ADGRL2: variants seen among roughly 807,000 people sequenced by gnomAD.
ADGRL2 encodes the protein calcium-independent alpha-latrotoxin receptor 2.
Under a neutral mutation model 157.4 loss-of-function variants are expected in ADGRL2, and 44 were observed. That is an observed-to-expected ratio of 0.28 (90% CI 0.22 to 0.36). The LOEUF (loss-of-function observed/expected upper bound fraction) is 0.36, where lower values mean the gene tolerates loss of function less well. Ranked by LOEUF, ADGRL2 falls within the 10% of genes least tolerant of loss-of-function variation. The pLI is 1.00. For synonymous variants in ADGRL2, 585 were observed against 624.7 expected (o/e 0.94, Z 0.95); for missense variants, 1,510 against 1,768.9 (o/e 0.85, Z 2.63).
intron 2 of ADGRL2, among the ~76,000 whole-genome samples, chr1:81,467,473 C>A (rs529219648): frequency 9.8e-5 from 15 of 152,292 alleles, no homozygotes; most frequent in African/African-American, 3.4e-4. Flanking sequence ...GATTTTACAG[C>A]GCTCCAGTCA....
chr1:81,709,785 TA>T (rs764778432), intron 1 of ADGRL2, among the ~76,000 whole-genome samples: 76 of 151,994 alleles, frequency 5.0e-4, no homozygotes, highest in Admixed American at 1.8e-3. Flanking sequence ...AAAACAATAT[TA>T]AAAAATGGTC....
chr1:81,536,301 G>T (rs982595569), intron 2 of ADGRL2, among the ~76,000 whole-genome samples: 18 of 151,780 alleles, frequency 1.2e-4, no homozygotes, highest in South Asian at 4.2e-4. Flanking sequence ...TATTTTACTG[G>T]TTTTTTTTAA....
At chr1:81,815,362 T>G (rs920345023) in intron 1 of ADGRL2, among the ~76,000 whole-genome samples, 1 of 151,844 alleles carries the variant, frequency 6.6e-6, no homozygotes, top group Non-Finnish European at 1.5e-5. Flanking sequence ...TGCTGTGTTA[T>G]CTCTTAGTAG....
intron 3 of ADGRL2, among the ~76,000 whole-genome samples, chr1:81,628,582 T>G (rs1043873907): frequency 6.6e-6 from 1 of 152,186 alleles, no homozygotes; most frequent in Non-Finnish European, 1.5e-5. Flanking sequence ...ATCAGGAAAC[T>G]GAAACCATGA....
intron 3 of ADGRL2, chr1:81,588,267 A>G (rs2081066257): frequency 6.6e-6 from 1 of 152,144 alleles, no homozygotes; most frequent in Non-Finnish European, 1.5e-5. Flanking sequence ...GGAAGGAGAG[A>G]GCTATGAGCT....
Position 81,353,920 on chromosome 1 carries a change from G to A in ADGRL2, c.-302+47411G>A, listed in dbSNP as rs190584376. 1.4e-3 allele frequency among the ~76,000 whole-genome samples: 217 copies of A among 152,272 alleles called. 1 individual carries two copies. The highest frequency in any genetic ancestry group is 3.4e-3 in the Middle Eastern group (1 of 294). ...GGTAAAATGTGTAGTATAAGAGAAAGGCTCAGGCATGAATCTTTGAGAAGC... is the reference window on the plus strand; with the variant it reads ...GGTAAAATGTGTAGTATAAGAGAAAAGCTCAGGCATGAATCTTTGAGAAGC... On this transcript the variant is annotated intron_variant, in intron 1 of 24. Transcript: ENST00000370721.
intron 3 of ADGRL2, among the ~76,000 whole-genome samples, chr1:81,925,346 T>A (rs2095079535): frequency 6.6e-6 from 1 of 152,036 alleles, no homozygotes; most frequent in Non-Finnish European, 1.5e-5. Flanking sequence ...CCTATGAGTT[T>A]GTTTATAAAT....
At chr1:81,706,228 A>C (rs1390881181) in intron 1 of ADGRL2, among the ~76,000 whole-genome samples, 2 of 128,120 alleles carry the variant, frequency 1.6e-5, no homozygotes, top group African/African-American at 6.2e-5. Flanking sequence ...AAAACAAAAA[A>C]ATAAAAAAAT....
intron 1 of ADGRL2, among the ~76,000 whole-genome samples, chr1:81,824,544 G>C (rs2091286426): frequency 6.6e-6 from 1 of 152,060 alleles, no homozygotes; most frequent in Admixed American, 6.5e-5. Context: ...CAAATTGCTG[G>C]GATTTACAGG....
chr1:81,913,338 T>A (rs1311527565), intron 3 of ADGRL2, among the ~76,000 whole-genome samples: 2 of 152,252 alleles, frequency 1.3e-5, no homozygotes, highest in Non-Finnish European at 2.9e-5. Context: ...CATTACTTTG[T>A]TCTGTGGTTC....
At chr1:81,846,987 GT>G (rs148126563) in intron 2 of ADGRL2, among the ~76,000 whole-genome samples, 26 of 143,796 alleles carry the variant, frequency 1.8e-4, no homozygotes, top group Non-Finnish European at 1.7e-4. Context: ...GTGTTTTGTT[GT>G]TTTTTTTTTT....
intron 2 of ADGRL2, among the ~76,000 whole-genome samples, chr1:81,460,697 C>T (rs768165323): frequency 6.6e-6 from 1 of 152,150 alleles, no homozygotes; most frequent in Non-Finnish European, 1.5e-5. Context: ...ACCCCTTTTA[C>T]TTTATTAACA....
At chr1:81,714,431 A>T (rs2084039390) in intron 1 of ADGRL2, among the ~76,000 whole-genome samples, 1 of 152,198 alleles carries the variant, frequency 6.6e-6, no homozygotes, top group South Asian at 2.1e-4. Flanking sequence ...TAAAATACTG[A>T]CTAATCATTT....
intron 1 of ADGRL2, among the ~76,000 whole-genome samples, chr1:81,376,914 C>T (rs1455574235): frequency 2.6e-5 from 4 of 152,188 alleles, no homozygotes; most frequent in Non-Finnish European, 4.4e-5. Flanking sequence ...AGGCTTGATG[C>T]AGTTGTTCAC....
intron 2 of ADGRL2, among the ~76,000 whole-genome samples, chr1:81,781,811 C>A (rs753307938): frequency 1.5e-4 from 23 of 152,202 alleles, no homozygotes; most frequent in Non-Finnish European, 2.9e-4. Context: ...CATTGAAAGA[C>A]ACAATTTTAA....
intron 1 of ADGRL2, among the ~76,000 whole-genome samples, chr1:81,832,950 G>A (rs540502716): frequency 6.6e-6 from 1 of 152,290 alleles, no homozygotes; most frequent in East Asian, 1.9e-4. Flanking sequence ...TAACCTGATT[G>A]AGGTTCAGCT....
At chr1:81,820,558 G>T (rs2149838303) in intron 1 of ADGRL2, among the ~76,000 whole-genome samples, 1 of 151,086 alleles carries the variant, frequency 6.6e-6, no homozygotes, top group East Asian at 2.0e-4. Flanking sequence ...ATTTTTTGGG[G>T]GGAAGACTCT....
intron 2 of ADGRL2, among the ~76,000 whole-genome samples, chr1:81,521,791 G>A (rs2079321652): frequency 6.6e-6 from 1 of 152,076 alleles, no homozygotes; most frequent in Admixed American, 6.6e-5. Flanking sequence ...TGATGTGGAG[G>A]AATTAAATTC....
chr1:81,692,144 C>T (rs1340472799), intron 3 of ADGRL2, among the ~76,000 whole-genome samples: 3 of 151,676 alleles, frequency 2.0e-5, no homozygotes, highest in Admixed American at 6.6e-5. Context: ...TGGTGGCTCA[C>T]GCCTGTAATC....
Sources: allele counts gnomAD v4.1 joint callset (sites outside exome capture counted in the v4.1 genomes callset), GRCh38; gene constraint gnomAD v4.1.1; transcripts MANE v1.5; gene names NCBI Gene and HGNC (gene_info 2026-07-23, HGNC 2026-07-21).